EIF4E1B: variants seen among roughly 807,000 people sequenced by gnomAD.
EIF4E1B encodes eukaryotic translation initiation factor 4E type 1B.
A neutral mutation model predicts 31.3 loss-of-function variants in EIF4E1B; 22 were observed. The observed-to-expected ratio is 0.70, with a 90% CI of 0.50 to 1.00. EIF4E1B has a LOEUF of 1.00. EIF4E1B is among the 50% of genes least tolerant of loss of function. The probability of loss-of-function intolerance (pLI) is 0.00; values close to 1 mark genes in which losing one functional copy is unlikely to be tolerated. For synonymous variants in EIF4E1B, 126 were observed against 120.2 expected (o/e 1.05, Z -0.31); for missense variants, 290 against 311.6 (o/e 0.93, Z 0.52).
chr5:176,634,673 C>CTTT (rs70991565), intron 1 of EIF4E1B, among the ~76,000 whole-genome samples: 4 of 123,032 alleles, frequency 3.3e-5, no homozygotes, highest in African/African-American at 9.6e-5. Context: ...TTTTTTTTTT[C>CTTT]TTTTTTTTTT....
chr5:176,645,922 C>G lies in EIF4E1B; in HGVS notation c.671C>G (p.Ala224Gly). The part of the protein sequence containing the change: ...LSPKTIIGYQ[A>G]HADTATKSNS... ...CCAAAGACCATCATTGGGTACCAGG[C>G]CCATGCAGACACAGCCACCAAGAGC... Residue 224 changes from alanine to glycine, a missense_variant, in exon 9 of 9, where the codon GCC becomes GGC. Transcript: ENST00000318682. The surrounding 1 kb of genome is among the most constrained non-coding windows in gnomAD (Gnocchi z 5.4). The G allele has an allele frequency of 6.2e-7, 1 of 1,610,058 alleles. No individual in the cohort carries two copies.
intron 1 of EIF4E1B, among the ~76,000 whole-genome samples, chr5:176,636,868 C>G (rs1561908786): frequency 6.6e-6 from 1 of 152,244 alleles, no homozygotes; most frequent in Non-Finnish European, 1.5e-5. Flanking sequence ...TGAGTGCCTA[C>G]TGGGTGCCGA....
chr5:176,640,805 G>T (rs1179622389), intron 1 of EIF4E1B, among the ~76,000 whole-genome samples: 3 of 152,246 alleles, frequency 2.0e-5, no homozygotes, highest in Non-Finnish European at 2.9e-5. Context: ...ACACTGGCCT[G>T]TCTTCTCGTC....
intron 1 of EIF4E1B, among the ~76,000 whole-genome samples, chr5:176,639,475 C>T (rs891770814): frequency 4.6e-5 from 7 of 152,112 alleles, no homozygotes; most frequent in African/African-American, 1.7e-4. Flanking sequence ...ACTCCAGGAG[C>T]TTCCCCAGGC....
intron 1 of EIF4E1B, among the ~76,000 whole-genome samples, chr5:176,641,412 C>T (rs567060568): frequency 6.6e-6 from 1 of 152,320 alleles, no homozygotes; most frequent in South Asian, 2.1e-4. Flanking sequence ...TGAGACAGGG[C>T]CCAGCAGCGT....
In EIF4E1B at chr5:176,645,592, G is replaced by A; in HGVS notation, c.614+76G>A. The A allele has an allele frequency of 6.9e-7, 1 of 1,450,854 alleles. No individual in the cohort carries two copies. The highest frequency in any genetic ancestry group is 1.4e-5 in the African/African-American group (1 of 70,566). The allele number at this position is 1,450,854 out of a possible 1,614,324, so 89.9% of individuals were successfully genotyped here. ...AAGGTGGGTGGAGGGGGCTTGGCCTGCATGGGAGACCTCTGAAAGTCTCCA... is the reference window on the plus strand; with the variant it reads ...AAGGTGGGTGGAGGGGGCTTGGCCTACATGGGAGACCTCTGAAAGTCTCCA... On this transcript the variant is annotated intron_variant, in intron 8 of 8. Coordinates refer to ENST00000318682, the MANE Select transcript of EIF4E1B (RefSeq NM_001099408.2). This position sits in a 1 kb window ranked among gnomAD's most constrained non-coding sequence, Gnocchi z 5.4.
At position 176,646,230 on chromosome 5, in the gene EIF4E1B, G is replaced by A; in HGVS notation, c.*250G>A. On this transcript the variant is annotated 3_prime_UTR_variant, in exon 9 of 9. Transcript: ENST00000318682. The stretch of plus-strand genomic sequence containing the variant: ...GCAGCAGGGTGGAAAAAACTCCTGA[G>A]GGTGGGGTGAGTCATGGCGGGGAAG... 2.3e-6 allele frequency: 1 copy of A among 443,684 alleles called. No homozygotes were observed. The highest frequency in any genetic ancestry group is 3.6e-5 in the South Asian group (1 of 27,928). The allele number at this position is 443,684 out of a possible 1,614,324, so 27.5% of individuals were successfully genotyped here. A position where few individuals can be genotyped will look rare whatever the true frequency, so the allele number is the denominator to read the frequency against.
Position 176,638,515 on chromosome 5 carries a change from T to C in EIF4E1B, c.-201-3528T>C, listed in dbSNP as rs1028834579. 6.6e-6 allele frequency among the ~76,000 whole-genome samples: 1 copy of C among 151,210 alleles called. No individual in the cohort carries two copies. Among genetic ancestry groups the C allele is most frequent in the African/African-American group, 2.4e-5 (1 of 41,064 alleles). On this transcript the variant is annotated intron_variant, in intron 1 of 8. Coordinates refer to ENST00000318682, the MANE Select transcript of EIF4E1B (RefSeq NM_001099408.2). This position sits in a 1 kb window ranked among gnomAD's most constrained non-coding sequence, Gnocchi z 4.3. ...ATGAGTTAGAGGGCATGGGGGAGAGTGTTCTTCTGTAGATAGGGTAGCAGT... is the reference window on the plus strand; with the variant it reads ...ATGAGTTAGAGGGCATGGGGGAGAGCGTTCTTCTGTAGATAGGGTAGCAGT...
intron 1 of EIF4E1B, among the ~76,000 whole-genome samples, chr5:176,634,946 G>A (rs1241093002): frequency 1.3e-5 from 2 of 152,038 alleles, no homozygotes; most frequent in African/African-American, 4.8e-5. Flanking sequence ...GGGATTACAG[G>A]CATGAGCCAC....
Position 176,638,371 on chromosome 5 carries a change from A to C in EIF4E1B, c.-201-3672A>C, listed in dbSNP as rs1471181951. Among the ~76,000 whole-genome samples the C allele has an allele frequency of 1.3e-5, 2 of 152,250 alleles. No homozygotes were observed. Among genetic ancestry groups the C allele is most frequent in the East Asian group, 3.8e-4 (2 of 5,208 alleles). ...AGAAGAAACCATCCATTTTGTTCACAGCTGTGCTCCCCAGAGCCTAAAATG... is the reference window on the plus strand; with the variant it reads ...AGAAGAAACCATCCATTTTGTTCACCGCTGTGCTCCCCAGAGCCTAAAATG... On this transcript the variant is annotated intron_variant, in intron 1 of 8. Coordinates refer to ENST00000318682, the MANE Select transcript of EIF4E1B (RefSeq NM_001099408.2). The surrounding 1 kb of genome is among the most constrained non-coding windows in gnomAD (Gnocchi z 4.3).
intron 3 of EIF4E1B, 99 bp from the exon 4 acceptor site, chr5:176,642,983 C>A: frequency 6.6e-7 from 1 of 1,513,260 alleles, no homozygotes; most frequent in South Asian, 1.3e-5. Flanking sequence ...CTTGTGAGTC[C>A]CCTGCCTTCC....
chr5:176,636,420 C>T (rs919617936), intron 1 of EIF4E1B, among the ~76,000 whole-genome samples: 1 of 152,228 alleles, frequency 6.6e-6, no homozygotes, highest in African/African-American at 2.4e-5. Context: ...AGGACGATGA[C>T]TCTGGAAGCT....
chr5:176,633,018 A>T (rs1423367641), intron 1 of EIF4E1B, among the ~76,000 whole-genome samples: 1 of 152,186 alleles, frequency 6.6e-6, no homozygotes, highest in Non-Finnish European at 1.5e-5. Context: ...GCCAAGGACC[A>T]TTGGCAGCAG....
chr5:176,637,600 C>A (rs556062047), intron 1 of EIF4E1B, among the ~76,000 whole-genome samples: 1 of 152,088 alleles, frequency 6.6e-6, no homozygotes, highest in African/African-American at 2.4e-5. Context: ...CAGTCACATA[C>A]GATGGGCAGG....
At chr5:176,640,954 T>C (rs982821804) in intron 1 of EIF4E1B, among the ~76,000 whole-genome samples, 1 of 152,202 alleles carries the variant, frequency 6.6e-6, no homozygotes, top group Non-Finnish European at 1.5e-5. Flanking sequence ...ATACCACCTC[T>C]CAGTGACCTT....
chr5:176,644,168 G>A, intron 5 of EIF4E1B: 1 of 603,766 alleles, frequency 1.7e-6, no homozygotes, highest in Non-Finnish European at 2.9e-6. Context: ...CTCCCCAGGG[G>A]TTGGCTCAGC....
intron 1 of EIF4E1B, among the ~76,000 whole-genome samples, chr5:176,636,414 C>A (rs778567462): frequency 1.3e-5 from 2 of 152,200 alleles, no homozygotes; most frequent in African/African-American, 4.8e-5. Context: ...GTACTAAGGA[C>A]GATGACTCTG....
intron 1 of EIF4E1B, among the ~76,000 whole-genome samples, chr5:176,634,205 G>A (rs1363548664): frequency 1.7e-4 from 26 of 152,204 alleles, no homozygotes. Context: ...GCTGGAGGAG[G>A]TGTCCAGCAG....
chr5:176,645,934 C>A lies in EIF4E1B; in HGVS notation c.683C>A (p.Thr228Lys), dbSNP rs1760698013. ...ATTGGGTACCAGGCCCATGCAGACA[C>A]AGCCACCAAGAGCAACTCCCTAGCC... ...TIIGYQAHAD[T>K]ATKSNSLAKN... The change falls in exon 9 of 9, where the codon ACA (threonine) becomes AAA (lysine). Residue 228 changes from threonine (T) to lysine (K), a missense_variant. Thr to Lys is a moderately conservative substitution (Grantham distance 78). Transcript: ENST00000318682. This position sits in a 1 kb window ranked among gnomAD's most constrained non-coding sequence, Gnocchi z 5.4. 1 of 1,610,358 alleles carries A rather than the reference C, an allele frequency of 6.2e-7. No homozygotes were observed. The highest frequency in any genetic ancestry group is 8.5e-7 in the Non-Finnish European group (1 of 1,178,392).
Sources: allele counts gnomAD v4.1 joint callset (sites outside exome capture counted in the v4.1 genomes callset), GRCh38; gene constraint gnomAD v4.1.1; non-coding constraint Gnocchi (gnomAD v3.1); transcripts MANE v1.5; gene names NCBI Gene and HGNC (gene_info 2026-07-23, HGNC 2026-07-21).